The following CACNB1 variants were observed in gnomAD, a reference collection of about 807,000 sequenced individuals.
The protein encoded by CACNB1 is calcium voltage-gated channel auxiliary subunit beta 1, also known as voltage-dependent L-type calcium channel subunit beta-1.
Under a neutral mutation model 71.6 loss-of-function variants are expected in CACNB1, and 29 were observed. The observed-to-expected ratio is 0.40, with a 90% confidence interval of 0.30 to 0.55. The LOEUF is 0.55. CACNB1 is among the 20% of genes least tolerant of loss of function. CACNB1 has a pLI of 0.38. For missense variants in CACNB1, 623 were observed against 801.8 expected (o/e 0.78, Z 2.69); for synonymous variants, 300 against 319.6 (o/e 0.94, Z 0.65).
rs745334119 is a variant in CACNB1 at position 39,175,848 on chromosome 17, C to T, written c.1333-191G>A. On this transcript the variant is annotated intron_variant, in intron 13 of 13. Coordinates refer to ENST00000394303, the MANE Select transcript of CACNB1 (RefSeq NM_000723.5). The surrounding 1 kb of genome is among the most constrained non-coding windows in gnomAD (Gnocchi z 4.7). ...GAGGACAGACCTCAGGGCATTTGCT[C>T]CTCTCTCGGGACAGGGGGCACCCGA... 2.6e-5 allele frequency among the ~76,000 whole-genome samples: 4 copies of T among 152,104 alleles called. No homozygotes were observed. Among genetic ancestry groups the T allele is most frequent in the Non-Finnish European group, 5.9e-5 (4 of 67,996 alleles).
Position 39,177,968 on chromosome 17 carries a change from G to C in CACNB1, c.1146+16C>G. 1 of 1,587,726 alleles carries C rather than the reference G, an allele frequency of 6.3e-7. No homozygotes were observed. The highest frequency in any genetic ancestry group is 8.7e-7 in the Non-Finnish European group (1 of 1,156,000). On this transcript the variant is annotated intron_variant, in intron 12 of 13. Transcript: ENST00000394303. ...TGTTCTCCCTCCATTCCCTTCCCTG[G>C]GATCTAGGCACTCACAGGGGGGCAC...
chr17:39,187,009 A>G, intron 4 of CACNB1, 80 bp from the exon 5 acceptor site: 1 of 1,495,754 alleles, frequency 6.7e-7, no homozygotes, highest in Non-Finnish European at 9.2e-7. Flanking sequence ...TCTAGGGGAA[A>G]CGCCCAGACT....
At position 39,183,812 on chromosome 17, in the gene CACNB1, C is replaced by T. The variant is rs762372271; in HGVS notation, c.951G>A (p.Gln317=). The change falls in exon 11 of 14, where the codon CAG becomes CAA. Residue 317 remains glutamine (Q), a synonymous_variant. Transcript: ENST00000394303. ...ERIFELARTL[Q]LVALDADTIN... ...TGGTGTCAGCATCCAGAGCGACCAACTGAAGGGTCCGGGCCAGCTCGAAGA... is the reference window on the plus strand; with the variant it reads ...TGGTGTCAGCATCCAGAGCGACCAATTGAAGGGTCCGGGCCAGCTCGAAGA... 6.2e-7 allele frequency: 1 copy of T among 1,614,088 alleles called. No homozygotes were observed. Among genetic ancestry groups the T allele is most frequent in the African/African-American group, 1.3e-5 (1 of 75,006 alleles).
At chr17:39,183,925 G>A in intron 10 of CACNB1, 61 bp from the exon 11 acceptor site, 3 of 1,577,152 alleles carry the variant, frequency 1.9e-6, no homozygotes, top group Non-Finnish European at 2.6e-6. Flanking sequence ...AACAGCAGGT[G>A]GAGGGAACAC....
Position 39,174,271 on chromosome 17 carries a change from A to T in CACNB1, c.*922T>A. ...CCCCCCAGAGGAGATCCGAGGTCCC[A>T]AGGCAACCCCTGGGCACCATCCCAC... is the stretch of plus-strand genomic sequence containing the variant. On this transcript the variant is annotated 3_prime_UTR_variant, in exon 14 of 14. Transcript: ENST00000394303. 6.5e-6 allele frequency: 1 copy of T among 153,122 alleles called. No individual in the cohort carries two copies. 9.5% of individuals were successfully genotyped at this position (153,122 alleles called of 1,614,324 possible). A position where few individuals can be genotyped will look rare whatever the true frequency, so the allele number is the denominator to read the frequency against.
At chr17:39,195,191 A>G (rs1265866661) in intron 1 of CACNB1, 2 of 471,810 alleles carry the variant, frequency 4.2e-6, no homozygotes, top group African/African-American at 2.0e-5. Flanking sequence ...GGACCAGTGC[A>G]AGAGAGCCCC....
chr17:39,183,368 G>GAAGAAGAAGAA (rs1433401577), intron 11 of CACNB1, among the ~76,000 whole-genome samples: 14 of 143,828 alleles, frequency 9.7e-5, no homozygotes, highest in East Asian at 6.4e-4. Flanking sequence ...GAAGAAGAAA[G>GAAGAAGAAGAA]GAAAGACCTC....
Position 39,175,404 on chromosome 17 carries a change from C to A in CACNB1, c.1586G>T (p.Gly529Val), listed in dbSNP as rs1170978148. 1 of 1,614,230 alleles carries A rather than the reference C, an allele frequency of 6.2e-7. No homozygotes were observed. Among genetic ancestry groups the A allele is most frequent in the Non-Finnish European group, 8.5e-7 (1 of 1,180,046 alleles). ...CVDMETDPSE[G>V]PGLGDPAGGG... ...CCCTGCAGGGTCTCCAAGCCCTGGC[C>A]CCTCTGAGGGGTCAGTCTCCATGTC... Residue 529 changes from glycine to valine, a missense_variant, in exon 14 of 14, where the codon GGG (glycine) becomes GTG (valine). By Grantham distance (109) the Gly-to-Val change is moderately radical. Coordinates refer to ENST00000394303, the MANE Select transcript of CACNB1 (RefSeq NM_000723.5). The surrounding 1 kb of genome is among the most constrained non-coding windows in gnomAD (Gnocchi z 4.7).
chr17:39,178,120 C>T (rs1342877771), intron 11 of CACNB1, 41 bp from the exon 12 acceptor site: 8 of 1,459,480 alleles, frequency 5.5e-6, no homozygotes, highest in Non-Finnish European at 7.7e-6. Flanking sequence ...GCTAGAGGGA[C>T]TCAGGCAATG....
intron 12 of CACNB1, 103 bp downstream of exon 12, chr17:39,177,881 A>T: frequency 1.1e-6 from 1 of 920,180 alleles, no homozygotes; most frequent in South Asian, 1.4e-5. Context: ...CACAGGCCTG[A>T]CCCAGGTGTT....
chr17:39,184,402 GGGGAGGGA>G lies in CACNB1; in HGVS notation c.730-27_730-20del. Reference sequence around the variant, plus strand: ...CTGTAACCTGGGGGTGGGGGTTTGTGGGGAGGGAGGGAGGAGAAGGCAGGCATTTAAAG... The same window carrying G: ...CTGTAACCTGGGGGTGGGGGTTTGTGGGGAGGAGAAGGCAGGCATTTAAAG... On this transcript the variant is annotated intron_variant, in intron 8 of 13. Coordinates refer to ENST00000394303, the MANE Select transcript of CACNB1 (RefSeq NM_000723.5). 2 of 1,229,062 alleles carry G rather than the reference GGGGAGGGA, an allele frequency of 1.6e-6. No individual in the cohort carries two copies. Among genetic ancestry groups the G allele is most frequent in the Non-Finnish European group, 1.2e-6 (1 of 854,292 alleles). 76.1% of individuals were successfully genotyped at this position (1,229,062 alleles called of 1,614,324 possible). A position where few individuals can be genotyped will look rare whatever the true frequency, so the allele number is the denominator to read the frequency against.
At position 39,175,022 on chromosome 17, in the gene CACNB1, C is replaced by T. The variant is rs1003337211; in HGVS notation, c.*171G>A. Reference sequence around the variant, plus strand: ...AAACCGACAGCTGGGGCTTAAGGGCCTCCCGGGAGCTGGGATGGTAACACC... The same window carrying T: ...AAACCGACAGCTGGGGCTTAAGGGCTTCCCGGGAGCTGGGATGGTAACACC... On this transcript the variant is annotated 3_prime_UTR_variant, in exon 14 of 14. Transcript: ENST00000394303. The surrounding 1 kb of genome is among the most constrained non-coding windows in gnomAD (Gnocchi z 4.7). The T allele has an allele frequency of 2.4e-5, 15 of 625,778 alleles. No homozygotes were observed. Among genetic ancestry groups the T allele is most frequent in the African/African-American group, 2.2e-4 (12 of 54,272 alleles). 38.8% of individuals were successfully genotyped at this position (625,778 alleles called of 1,614,324 possible).
intron 3 of CACNB1, among the ~76,000 whole-genome samples, chr17:39,190,767 C>T (rs2046055561): frequency 6.6e-6 from 1 of 151,970 alleles, no homozygotes; most frequent in Non-Finnish European, 1.5e-5. Context: ...CAGTAATGAC[C>T]ATTTAGTGTT....
At position 39,185,061 on chromosome 17, in the gene CACNB1, G is replaced by A. The variant is rs546006837; in HGVS notation, c.648+70C>T. 3.6e-6 allele frequency: 5 copies of A among 1,375,742 alleles called. No homozygotes were observed. The African/African-American group carries it at 4.3e-5, about 12-fold the overall frequency. The allele number at this position is 1,375,742 out of a possible 1,614,324, so 85.2% of individuals were successfully genotyped here. The stretch of plus-strand genomic sequence containing the variant: ...GGAAATGGGGGACAGATGTGGGAAT[G>A]GGTGTTAGAAGGTCCCCCTAGCTCA... On this transcript the variant is annotated intron_variant, in intron 7 of 13. Transcript: ENST00000394303.
chr17:39,177,093 A>C, intron 13 of CACNB1: 2 of 1,395,504 alleles, frequency 1.4e-6, no homozygotes, highest in Non-Finnish European at 1.9e-6. Context: ...GGAAGACAGC[A>C]CCAGAAGCCC....
At chr17:39,177,307 C>T (rs1469303383) in intron 13 of CACNB1, 43 bp downstream of exon 13, 1 of 1,611,532 alleles carries the variant, frequency 6.2e-7, no homozygotes, top group South Asian at 1.1e-5. Context: ...TCCAGCCCGC[C>T]CCAGAAGCCG....
chr17:39,194,877 C>T lies in CACNB1; in HGVS notation c.171+7G>A, dbSNP rs2046170707. The T allele has an allele frequency of 6.2e-7, 1 of 1,600,388 alleles. No homozygotes were observed. The highest frequency in any genetic ancestry group is 8.6e-7 in the Non-Finnish European group (1 of 1,168,764). ...CCTCCCTCCTCTCCGCCCAGCCTCC[C>T]CATTACCTGGCGGACAAAGCTGTTG... On this transcript the variant is annotated splice_region_variant and intron_variant, in intron 2 of 13. Coordinates refer to ENST00000394303, the MANE Select transcript of CACNB1 (RefSeq NM_000723.5). This position sits in a 1 kb window ranked among gnomAD's most constrained non-coding sequence, Gnocchi z 4.6.
rs1049046898 is a variant in CACNB1, at chr17:39,174,929, T to C, written c.*264A>G. 1 of 499,804 alleles carries C rather than the reference T, an allele frequency of 2.0e-6. No homozygotes were observed. Among genetic ancestry groups the C allele is most frequent in the African/African-American group, 1.9e-5 (1 of 51,686 alleles). The allele number at this position is 499,804 out of a possible 1,614,324, so 31.0% of individuals were successfully genotyped here. ...TAGGAGGGTGAGGGAGGAGAGCCCCTTAAGATGGGAGAAAGGGGACACTTC... is the reference window on the plus strand; with the variant it reads ...TAGGAGGGTGAGGGAGGAGAGCCCCCTAAGATGGGAGAAAGGGGACACTTC... On this transcript the variant is annotated 3_prime_UTR_variant, in exon 14 of 14. Coordinates refer to ENST00000394303, the MANE Select transcript of CACNB1 (RefSeq NM_000723.5).
At chr17:39,176,462 GA>G (rs1400173586) in intron 13 of CACNB1, among the ~76,000 whole-genome samples, 1 of 152,152 alleles carries the variant, frequency 6.6e-6, no homozygotes, top group Non-Finnish European at 1.5e-5. Context: ...CTGTTACCTA[GA>G]GATCTGGGGT....
Sources: gnomAD v4.1 joint callset for allele counts (sites outside exome capture counted in the v4.1 genomes callset) on GRCh38, gnomAD v4.1.1 for gene constraint, Gnocchi (gnomAD v3.1) non-coding constraint, MANE v1.5 for transcripts, NCBI Gene and HGNC (gene_info 2026-07-23, HGNC 2026-07-21) for gene names.